NCOA2: variants seen among roughly 807,000 people sequenced by gnomAD.
NCOA2 encodes class E basic helix-loop-helix protein 75.
A neutral mutation model predicts 145.1 loss-of-function variants in NCOA2; 21 were observed. The ratio of observed to expected loss-of-function variants is 0.14; its 90% CI spans 0.10 to 0.21. The LOEUF (loss-of-function observed/expected upper bound fraction) is 0.21, where lower values mean the gene tolerates loss of function less well. Ranked by LOEUF, NCOA2 falls within the 10% of genes least tolerant of loss-of-function variation. The probability of loss-of-function intolerance (pLI) is 1.00; values close to 1 mark genes in which losing one functional copy is unlikely to be tolerated. For missense variants in NCOA2, 1,472 were observed against 1,837.6 expected, an observed-to-expected ratio of 0.80 and a Z score of 3.64; for synonymous variants, 619 against 637.5, an observed-to-expected ratio of 0.97 and a Z score of 0.44.
At chr8:70,393,147 C>G (rs1813352755) in intron 1 of NCOA2, among the ~76,000 whole-genome samples, 2 of 152,176 alleles carry the variant, frequency 1.3e-5, no homozygotes, top group Non-Finnish European at 2.9e-5. Context: ...CTTCCCTTGC[C>G]TTAGGACTAC....
intron 15 of NCOA2, among the ~76,000 whole-genome samples, chr8:70,137,553 A>C (rs941250801): frequency 6.6e-6 from 1 of 152,228 alleles, no homozygotes; most frequent in Non-Finnish European, 1.5e-5. Flanking sequence ...ACGTATCTAG[A>C]AATAGCCTAC....
chr8:70,187,919 T>G (rs1183615160), intron 4 of NCOA2, among the ~76,000 whole-genome samples: 1 of 152,214 alleles, frequency 6.6e-6, no homozygotes, highest in Non-Finnish European at 1.5e-5. Context: ...TTCAGAAAAG[T>G]TCTACCCAAT....
intron 1 of NCOA2, among the ~76,000 whole-genome samples, chr8:70,359,470 A>G (rs1370619101): frequency 2.0e-5 from 3 of 152,216 alleles, no homozygotes; most frequent in Non-Finnish European, 4.4e-5. Context: ...AACAAGGTAC[A>G]ATAGAATATG....
intron 4 of NCOA2, among the ~76,000 whole-genome samples, chr8:70,190,840 C>CA (rs975983066): frequency 6.7e-6 from 1 of 148,368 alleles, no homozygotes; most frequent in African/African-American, 2.5e-5. Context: ...ACTCTGTCTC[C>CA]AAAAAAAAAG....
At chr8:70,235,619 G>C (rs1394634905) in intron 2 of NCOA2, among the ~76,000 whole-genome samples, 1 of 152,106 alleles carries the variant, frequency 6.6e-6, no homozygotes, top group African/African-American at 2.4e-5. Context: ...CAAGGCAGGA[G>C]GATCACTCAA....
chr8:70,161,644 A>T (rs914441176), intron 9 of NCOA2, among the ~76,000 whole-genome samples: 2 of 152,240 alleles, frequency 1.3e-5, no homozygotes, highest in African/African-American at 4.8e-5. Context: ...TGCCAGATGC[A>T]CATTAGGTGG....
rs150118178 is a variant in NCOA2 at position 70,141,688 on chromosome 8, A to G, written c.2813-289T>C. Reference sequence around the variant, plus strand: ...GTGCCGTGGCGTGTGGATAACCCCAACTTCCTTCCTCAGGAAGTGAATCAC... The same window carrying G: ...GTGCCGTGGCGTGTGGATAACCCCAGCTTCCTTCCTCAGGAAGTGAATCAC... On this transcript the variant is annotated intron_variant, in intron 13 of 22. Transcript: ENST00000452400. Among the ~76,000 whole-genome samples, 3 of 152,282 alleles carry G rather than the reference A, an allele frequency of 2.0e-5. No homozygotes were observed. In the East Asian group the frequency reaches 5.8e-4, roughly 29 times the overall value.
rs1280017994 is a variant in NCOA2, at chr8:70,168,189, A to G, written c.542-1435T>C. Among the ~76,000 whole-genome samples the G allele has an allele frequency of 2.6e-5, 4 of 152,256 alleles. No individual in the cohort carries two copies. The East Asian group carries it at 7.7e-4, about 29-fold the overall frequency. On this transcript the variant is annotated intron_variant, in intron 6 of 22. Transcript: ENST00000452400. ...CCCATGGCCACTGGGCTGTAGAATG[A>G]GAAAGGAAACAAACCCTCGAAAGGA...
At chr8:70,279,132 A>C (rs1438406588) in intron 2 of NCOA2, among the ~76,000 whole-genome samples, 1 of 152,114 alleles carries the variant, frequency 6.6e-6, no homozygotes. Context: ...TTTCTGCTGC[A>C]CCTATGAGGA....
At chr8:70,335,310 G>A (rs995554616) in intron 1 of NCOA2, among the ~76,000 whole-genome samples, 7 of 151,816 alleles carry the variant, frequency 4.6e-5, no homozygotes, top group African/African-American at 1.5e-4. Flanking sequence ...CATTCACACA[G>A]GTACCACAAT....
chr8:70,430,029 T>G, the NCOA2 span, among the ~76,000 whole-genome samples: 1 of 152,088 alleles, frequency 6.6e-6, no homozygotes, highest in Non-Finnish European at 1.5e-5. Flanking sequence ...ATTTTCTTAT[T>G]TCGTGTAGAG....
the NCOA2 span, among the ~76,000 whole-genome samples, chr8:70,415,412 A>G: frequency 6.6e-6 from 1 of 152,180 alleles, no homozygotes; most frequent in African/African-American, 2.4e-5. Context: ...TGCGGCCCAT[A>G]CTAGGCACTC....
At chr8:70,402,930 C>CCCCG (rs1814479020) in intron 1 of NCOA2, among the ~76,000 whole-genome samples, 1 of 144,860 alleles carries the variant, frequency 6.9e-6, no homozygotes, top group African/African-American at 2.5e-5. Context: ...GCGCCGCCCG[C>CCCCG]CCCGCCCGCC....
chr8:70,341,094 A>AAAAAG (rs751360659), intron 1 of NCOA2, among the ~76,000 whole-genome samples: 1 of 150,232 alleles, frequency 6.7e-6, no homozygotes. Context: ...AAAAAAAAAA[A>AAAAAG]AAAGAAACAA....
chr8:70,301,721 T>C (rs572289210), intron 1 of NCOA2, among the ~76,000 whole-genome samples: 2 of 151,502 alleles, frequency 1.3e-5, no homozygotes, highest in East Asian at 3.9e-4. Context: ...AAGTCAATTT[T>C]TTCATGGACA....
At chr8:70,123,481 C>T (rs982121955) in intron 21 of NCOA2, among the ~76,000 whole-genome samples, 5 of 152,062 alleles carry the variant, frequency 3.3e-5, no homozygotes, top group African/African-American at 4.8e-5. Context: ...AGTGCCACTG[C>T]GCTCCAGCCT....
At chr8:70,231,321 A>T (rs2977986) in intron 2 of NCOA2, among the ~76,000 whole-genome samples, 4 of 152,122 alleles carry the variant, frequency 2.6e-5, no homozygotes, top group Admixed American at 6.5e-5. Flanking sequence ...GAATTGTTTT[A>T]GCACTTCATT....
Position 70,111,160 on chromosome 8 carries a change from C to T in NCOA2, c.*2472G>A, listed in dbSNP as rs924151949. 1.8e-5 allele frequency: 4 copies of T among 220,382 alleles called. No individual in the cohort carries two copies. Among genetic ancestry groups the T allele is most frequent in the African/African-American group, 6.7e-5 (3 of 44,534 alleles). The allele number at this position is 220,382 out of a possible 1,614,324, so 13.7% of individuals were successfully genotyped here. The stretch of plus-strand genomic sequence containing the variant: ...TTTTCCTTCAAAACAGCAATGATCA[C>T]GAATTATTATAAATTACCAGTATCA... On this transcript the variant is annotated 3_prime_UTR_variant, in exon 23 of 23. Coordinates refer to ENST00000452400, the MANE Select transcript of NCOA2 (RefSeq NM_006540.4).
intron 4 of NCOA2, among the ~76,000 whole-genome samples, chr8:70,176,233 T>C (rs986169160): frequency 2.6e-5 from 4 of 152,236 alleles, no homozygotes; most frequent in Non-Finnish European, 2.9e-5. Flanking sequence ...AATGTAGTAA[T>C]TTCTCTGCAG....
Sources: gnomAD v4.1 joint callset for allele counts (sites outside exome capture counted in the v4.1 genomes callset) on GRCh38, gnomAD v4.1.1 for gene constraint, MANE v1.5 for transcripts, NCBI Gene and HGNC (gene_info 2026-07-23, HGNC 2026-07-21) for gene names.